The following CAMTA1 variants were observed in gnomAD, a reference collection of about 807,000 sequenced individuals.
The protein encoded by CAMTA1 is calmodulin-binding transcription activator 1.
CAMTA1 carries 27 observed loss-of-function variants against 170.9 expected under a neutral mutation model. The ratio of observed to expected loss-of-function variants is 0.16; its 90% CI spans 0.12 to 0.22. CAMTA1 has a LOEUF of 0.22. Ranked by LOEUF, CAMTA1 falls within the 10% of genes least tolerant of loss-of-function variation. CAMTA1 has a pLI of 1.00. For missense variants in CAMTA1, 1,619 were observed against 2,217.2 expected, an observed-to-expected ratio of 0.73 and a Z score of 5.42; for synonymous variants, 833 against 891.5, an observed-to-expected ratio of 0.93 and a Z score of 1.17.
chr1:7,661,877 G>A lies in CAMTA1; in HGVS notation c.805+11G>A. 6.3e-7 allele frequency: 1 copy of A among 1,599,836 alleles called. No individual in the cohort carries two copies. Among genetic ancestry groups the A allele is most frequent in the East Asian group, 2.3e-5 (1 of 44,368 alleles). On this transcript the variant is annotated intron_variant, in intron 8 of 22. Transcript: ENST00000303635. ...GCACCGGCAGCCTGGGTGAGCCGGG[G>A]CTCCCGGGGCAGGCGGGCGCCACGG...
chr1:7,172,420 G>C (rs1649831417), intron 4 of CAMTA1, among the ~76,000 whole-genome samples: 1 of 152,242 alleles, frequency 6.6e-6, no homozygotes, highest in Non-Finnish European at 1.5e-5. Context: ...AAAGTGCCGG[G>C]ATTACAGGCA....
At chr1:6,791,859 T>TA (rs1288298382) in intron 1 of CAMTA1, among the ~76,000 whole-genome samples, 5 of 152,220 alleles carry the variant, frequency 3.3e-5, no homozygotes, top group African/African-American at 1.2e-4. Context: ...TAGTGTCCCT[T>TA]AGTCCTGTGA....
intron 6 of CAMTA1, among the ~76,000 whole-genome samples, chr1:7,554,845 T>C (rs1258002404): frequency 6.6e-6 from 1 of 151,976 alleles, no homozygotes; most frequent in African/African-American, 2.4e-5. Context: ...AAGCCAGATT[T>C]CTGTAGGGCA....
intron 3 of CAMTA1, among the ~76,000 whole-genome samples, chr1:6,900,102 A>G (rs182700121): frequency 2.0e-5 from 3 of 152,342 alleles, no homozygotes; most frequent in Admixed American, 2.0e-4. Context: ...GCTGAAAGAG[A>G]TCACTTTACC....
At chr1:6,930,828 C>G (rs963825273) in intron 3 of CAMTA1, among the ~76,000 whole-genome samples, 1 of 152,208 alleles carries the variant, frequency 6.6e-6, no homozygotes, top group Non-Finnish European at 1.5e-5. Context: ...GCTTGGGCCT[C>G]TCTGGAGTCT....
At position 7,713,981 on chromosome 1, in the gene CAMTA1, C is replaced by T. The variant is rs192729544; in HGVS notation, c.2915-18467C>T. ...CACACTGAAGAGGCCAAGTTATGAA[C>T]AGGGGCTGGGCAGTCACTTGATTAT... On this transcript the variant is annotated intron_variant, in intron 11 of 22. Coordinates refer to ENST00000303635, the MANE Select transcript of CAMTA1 (RefSeq NM_015215.4). 7.1e-4 allele frequency among the ~76,000 whole-genome samples: 108 copies of T among 152,308 alleles called. 1 individual carries two copies. Among genetic ancestry groups the T allele is most frequent in the Admixed American group, 7.1e-3 (108 of 15,296 alleles).
chr1:7,729,472 T>A (rs2096716320), intron 11 of CAMTA1, among the ~76,000 whole-genome samples: 4 of 152,198 alleles, frequency 2.6e-5, no homozygotes, highest in African/African-American at 9.7e-5. Context: ...TGTGTTTTAG[T>A]AAAGTAAAAT....
At chr1:7,197,001 G>A (rs1027262934) in intron 4 of CAMTA1, among the ~76,000 whole-genome samples, 9 of 152,178 alleles carry the variant, frequency 5.9e-5, no homozygotes, top group African/African-American at 1.9e-4. Flanking sequence ...TCTAACGTTA[G>A]TCATTTTTTT....
intron 5 of CAMTA1, among the ~76,000 whole-genome samples, chr1:7,430,626 C>T (rs1045788472): frequency 6.6e-6 from 1 of 152,112 alleles, no homozygotes; most frequent in Non-Finnish European, 1.5e-5. Flanking sequence ...TTTTGAGGCT[C>T]CATGAGGATC....
At chr1:7,747,901 T>C in intron 19 of CAMTA1, 120 bp downstream of exon 19, 3 of 575,918 alleles carry the variant, frequency 5.2e-6, no homozygotes, top group Middle Eastern at 2.7e-4. Context: ...ATTTGTTTTT[T>C]GGTTGTTTTT....
chr1:7,755,878 G>C (rs970532156), intron 22 of CAMTA1, among the ~76,000 whole-genome samples: 3 of 152,186 alleles, frequency 2.0e-5, no homozygotes, highest in African/African-American at 7.2e-5. Flanking sequence ...ATGTACAAAT[G>C]CATGAGTGAG....
chr1:6,959,771 A>T (rs1690065811), intron 3 of CAMTA1, among the ~76,000 whole-genome samples: 1 of 152,180 alleles, frequency 6.6e-6, no homozygotes, highest in Non-Finnish European at 1.5e-5. Context: ...AGGTCACTTC[A>T]CTAGTAAGTA....
chr1:6,997,977 AT>A (rs925941081), intron 3 of CAMTA1, among the ~76,000 whole-genome samples: 1 of 150,494 alleles, frequency 6.6e-6, no homozygotes, highest in African/African-American at 2.4e-5. Flanking sequence ...TTTATTACAA[AT>A]TTTTTTTCCA....
intron 5 of CAMTA1, among the ~76,000 whole-genome samples, chr1:7,440,680 G>A (rs533811153): frequency 2.0e-5 from 3 of 152,268 alleles, no homozygotes; most frequent in South Asian, 2.1e-4. Context: ...TGGAAGCTGC[G>A]GTCTGGTCCT....
In CAMTA1 at chr1:7,738,028, C is replaced by A; in HGVS notation, c.3728C>A (p.Pro1243His). Residue 1243 changes from proline to histidine, a missense_variant, in exon 16 of 23, where the codon CCC becomes CAC. Physicochemically the swap from Pro to His is moderately conservative, Grantham distance 77. Coordinates refer to ENST00000303635, the MANE Select transcript of CAMTA1 (RefSeq NM_015215.4). This position sits in a 1 kb window ranked among gnomAD's most constrained non-coding sequence, Gnocchi z 4.9. ...GAGAGCCACAAAGATTATCCGGCTC[C>A]CAAAAAGCATAAATTGAACCCTGAG... ...SSESHKDYPA[P>H]KKHKLNPEYF... 6.2e-7 allele frequency: 1 copy of A among 1,614,054 alleles called. No individual in the cohort carries two copies. Among genetic ancestry groups the A allele is most frequent in the Non-Finnish European group, 8.5e-7 (1 of 1,180,000 alleles).
chr1:7,452,973 G>A (rs1425505189), intron 5 of CAMTA1, among the ~76,000 whole-genome samples: 2 of 151,980 alleles, frequency 1.3e-5, no homozygotes, highest in Non-Finnish European at 2.9e-5. Flanking sequence ...TTCTTGAATC[G>A]GCTTCCAGTT....
At chr1:7,556,789 C>T (rs2094884411) in intron 6 of CAMTA1, among the ~76,000 whole-genome samples, 1 of 152,152 alleles carries the variant, frequency 6.6e-6, no homozygotes, top group Non-Finnish European at 1.5e-5. Context: ...TCCCTCACTG[C>T]TTGGGCCTCT....
intron 6 of CAMTA1, among the ~76,000 whole-genome samples, chr1:7,529,105 C>G (rs145807434): frequency 6.6e-6 from 1 of 152,196 alleles, no homozygotes; most frequent in South Asian, 2.1e-4. Flanking sequence ...CTGCCCATCC[C>G]ACGGGTCTGT....
chr1:7,077,224 GTTTTTT>G (rs113439901), intron 3 of CAMTA1, among the ~76,000 whole-genome samples: 5 of 118,634 alleles, frequency 4.2e-5, no homozygotes, highest in African/African-American at 9.4e-5. Context: ...TTAAGGAAAG[GTTTTTT>G]TTTTTTTTTT....
Sources: allele counts gnomAD v4.1 joint callset (sites outside exome capture counted in the v4.1 genomes callset), GRCh38; gene constraint gnomAD v4.1.1; non-coding constraint Gnocchi (gnomAD v3.1); transcripts MANE v1.5; gene names NCBI Gene and HGNC (gene_info 2026-07-23, HGNC 2026-07-21).